ZC3HAV1: variants seen among roughly 807,000 people sequenced by gnomAD.
ZC3HAV1 encodes zinc finger CCCH-type antiviral protein 1.
In ZC3HAV1, 41 loss-of-function variants were observed where a neutral mutation model predicts 86.6. The ratio of observed to expected loss-of-function variants is 0.47; its 90% CI spans 0.37 to 0.61. The LOEUF is 0.61. Among genes scored for constraint, ZC3HAV1 ranks in the 20% least tolerant of loss-of-function variants. The probability of loss-of-function intolerance (pLI) is 0.00; values close to 1 mark genes in which losing one functional copy is unlikely to be tolerated. For synonymous variants in ZC3HAV1, 421 were observed against 432.1 expected, an observed-to-expected ratio of 0.97 and a Z score of 0.32; for missense variants, 964 against 1,141.1, an observed-to-expected ratio of 0.84 and a Z score of 2.24.
intron 3 of ZC3HAV1, among the ~76,000 whole-genome samples, chr7:139,082,769 G>C (rs1021764244): frequency 5.9e-5 from 9 of 152,084 alleles, no homozygotes; most frequent in African/African-American, 2.2e-4. Context: ...AAGTACCTAG[G>C]GTTGTCAAAT....
chr7:139,084,018 A>G lies in ZC3HAV1; in HGVS notation c.459T>C (p.Tyr153=). The change falls in exon 3 of 13, where the codon TAT becomes TAC. Residue 153 remains tyrosine, a synonymous_variant. Coordinates refer to ENST00000242351, the MANE Select transcript of ZC3HAV1 (RefSeq NM_020119.4). ...PFFMPEICKS[Y]KGEGRQQICN... is the part of the protein sequence containing the mutation. The stretch of plus-strand genomic sequence containing the variant: ...AAATCTGCTGCCGACCCTCTCCCTT[A>G]TAACTTTTGCATATCTACAGAAGGG... 3.1e-6 allele frequency: 5 copies of G among 1,614,000 alleles called. No homozygotes were observed. In the African/African-American group the frequency reaches 4.0e-5, roughly 13 times the overall value.
At position 139,083,777 on chromosome 7, in the gene ZC3HAV1, T is replaced by C. The variant is rs757941936; in HGVS notation, c.697+3A>G. 1.3e-6 allele frequency: 2 copies of C among 1,592,448 alleles called. No homozygotes were observed. The highest frequency in any genetic ancestry group is 1.1e-5 in the South Asian group (1 of 89,860). On this transcript the variant is annotated splice_donor_region_variant and intron_variant, in intron 3 of 12. Transcript: ENST00000242351. ...ACACAATTGAAAAAGAAAAGGCCTT[T>C]ACCTCTGGGCCCTGGGGGATTCTTC...
intron 1 of ZC3HAV1, among the ~76,000 whole-genome samples, chr7:139,106,017 A>G (rs1174526261): frequency 1.3e-5 from 2 of 152,182 alleles, no homozygotes; most frequent in African/African-American, 4.8e-5. Context: ...ATGAAATTAA[A>G]AATATGGCTC....
intron 1 of ZC3HAV1, among the ~76,000 whole-genome samples, chr7:139,092,750 C>G (rs534586050): frequency 6.6e-6 from 1 of 152,376 alleles, no homozygotes; most frequent in African/African-American, 2.4e-5. Flanking sequence ...GTCCGTGGTG[C>G]TGCCCACCTG....
chr7:139,084,466 C>A (rs1471486430), intron 2 of ZC3HAV1, among the ~76,000 whole-genome samples: 1 of 152,158 alleles, frequency 6.6e-6, no homozygotes, highest in Non-Finnish European at 1.5e-5. Flanking sequence ...CAAAAGATTG[C>A]CTAAAGAAGA....
Position 139,061,095 on chromosome 7 carries a change from G to A in ZC3HAV1, c.2037C>T (p.Val679=). 1 of 1,613,568 alleles carries A rather than the reference G, an allele frequency of 6.2e-7. No individual in the cohort carries two copies. The highest frequency in any genetic ancestry group is 8.5e-7 in the Non-Finnish European group (1 of 1,179,950). ...TNIASKTQKD[V]IRRPTFVPQW... is the part of the protein sequence containing the mutation. ...GAGGCACAAATGTTGGTCTTCTGATGACATCCTTTTGAGTTTTGGAAGCTA... is the reference window on the plus strand; with the variant it reads ...GAGGCACAAATGTTGGTCTTCTGATAACATCCTTTTGAGTTTTGGAAGCTA... The change falls in exon 9 of 13, where the codon GTC becomes GTT. Residue 679 remains valine (V), a synonymous_variant. Transcript: ENST00000242351.
chr7:139,096,958 T>C (rs898369263), intron 1 of ZC3HAV1, among the ~76,000 whole-genome samples: 2 of 112,132 alleles, frequency 1.8e-5, no homozygotes, highest in Admixed American at 8.6e-5. Flanking sequence ...CATGTCTCTA[T>C]TGAAAATACA....
intron 1 of ZC3HAV1, among the ~76,000 whole-genome samples, chr7:139,095,075 A>G (rs775452717): frequency 2.0e-5 from 3 of 152,020 alleles, no homozygotes; most frequent in Non-Finnish European, 4.4e-5. Flanking sequence ...AGGGTTGGCA[A>G]AAACAAAAAG....
In ZC3HAV1 at chr7:139,060,621, A is replaced by G. The variant is rs1449134220; in HGVS notation, c.2096+415T>C. The G allele has an allele frequency of 9.5e-6, 10 of 1,051,772 alleles. No homozygotes were observed. In the East Asian group the frequency reaches 4.1e-4, roughly 43 times the overall value. 65.2% of individuals were successfully genotyped at this position (1,051,772 alleles called of 1,614,324 possible). A position where few individuals can be genotyped will look rare whatever the true frequency, so the allele number is the denominator to read the frequency against. ...TTTGGGAGACTGAGGTAGGAGGATCACTTGAGCTCAGGAGTTCAAGACCAG... is the reference window on the plus strand; with the variant it reads ...TTTGGGAGACTGAGGTAGGAGGATCGCTTGAGCTCAGGAGTTCAAGACCAG... On this transcript the variant is annotated intron_variant, in intron 9 of 12. Coordinates refer to ENST00000242351, the MANE Select transcript of ZC3HAV1 (RefSeq NM_020119.4).
chr7:139,076,270 A>G lies in ZC3HAV1; in HGVS notation c.1697+16T>C. On this transcript the variant is annotated intron_variant, in intron 6 of 12. Coordinates refer to ENST00000242351, the MANE Select transcript of ZC3HAV1 (RefSeq NM_020119.4). Reference sequence around the variant, plus strand: ...ATGTTGGACTCTTGAAAGCCAGAGTACAGCCACCAACTTACAGGTGGATTC... The same window carrying G: ...ATGTTGGACTCTTGAAAGCCAGAGTGCAGCCACCAACTTACAGGTGGATTC... 2.5e-6 allele frequency: 4 copies of G among 1,614,148 alleles called. No homozygotes were observed. In the South Asian group the frequency reaches 4.4e-5, roughly 18 times the overall value.
chr7:139,047,658 T>C lies in ZC3HAV1; in HGVS notation c.2645A>G (p.Lys882Arg). The change falls in exon 13 of 13, where the codon AAA becomes AGA. Residue 882 changes from lysine (K) to arginine (R), a missense_variant. Lys to Arg is a conservative substitution (Grantham distance 26). Coordinates refer to ENST00000242351, the MANE Select transcript of ZC3HAV1 (RefSeq NM_020119.4). ...CACATATTGTGGGTAAACCTGATCT[T>C]TCTGAAAGATGACAAAAACGGAGGG... ...SNPSVFVIFQ[K>R]DQVYPQYVIE... 6.2e-7 allele frequency: 1 copy of C among 1,614,158 alleles called. No homozygotes were observed. Among genetic ancestry groups the C allele is most frequent in the Non-Finnish European group, 8.5e-7 (1 of 1,180,038 alleles).
intron 2 of ZC3HAV1, among the ~76,000 whole-genome samples, chr7:139,088,959 G>C (rs1247248949): frequency 2.0e-5 from 3 of 151,930 alleles, no homozygotes; most frequent in South Asian, 4.1e-4. Context: ...AAAATTAGCC[G>C]GGCATGGTGG....
intron 1 of ZC3HAV1, among the ~76,000 whole-genome samples, chr7:139,096,304 G>A (rs1434438400): frequency 2.6e-5 from 4 of 152,080 alleles, no homozygotes; most frequent in South Asian, 2.1e-4. Context: ...GTGAGCCACC[G>A]TACCCGACCA....
rs990654313 is a variant in ZC3HAV1 at position 139,053,998 on chromosome 7, A to G, written c.2285T>C (p.Ile762Thr). ...KNFKIEKIKK[I>T]ENSELLDKFT... ...TTTATCCAGGAGCTCTGAGTTCTCG[A>G]TCTTCTTTATCTTTTCAATCTTGAA... The change falls in exon 11 of 13, where the codon ATC becomes ACC. Residue 762 changes from isoleucine to threonine, a missense_variant. Physicochemically the swap from Ile to Thr is moderately conservative, Grantham distance 89. Transcript: ENST00000242351. 3.1e-6 allele frequency: 5 copies of G among 1,606,834 alleles called. No homozygotes were observed. Among genetic ancestry groups the G allele is most frequent in the Non-Finnish European group, 4.2e-6 (5 of 1,178,326 alleles).
chr7:139,053,731 A>G, intron 11 of ZC3HAV1, 150 bp from the exon 12 acceptor site: 2 of 1,180,706 alleles, frequency 1.7e-6, no homozygotes, highest in South Asian at 3.4e-5. Context: ...CAGCTGTACA[A>G]TAATAAATTT....
intron 7 of ZC3HAV1, among the ~76,000 whole-genome samples, chr7:139,070,258 A>G (rs3800603): frequency 0.15 from 23,573 of 152,190 alleles, 2,158 homozygotes; most frequent in East Asian, 0.28. Context: ...TGAATGTTAC[A>G]TTCTAAAAAC....
Position 139,054,100 on chromosome 7 carries a change from T to C in ZC3HAV1, c.2188-5A>G. The C allele has an allele frequency of 6.4e-7, 1 of 1,564,510 alleles. No individual in the cohort carries two copies. Among genetic ancestry groups the C allele is most frequent in the South Asian group, 1.2e-5 (1 of 82,286 alleles). On this transcript the variant is annotated splice_polypyrimidine_tract_variant and splice_region_variant and intron_variant, in intron 10 of 12. Transcript: ENST00000242351. Reference sequence around the variant, plus strand: ...TAGGTGATGGATCTCTGACAACTAATAAAGTTTAAAAATAGATAAATGTGA... The same window carrying C: ...TAGGTGATGGATCTCTGACAACTAACAAAGTTTAAAAATAGATAAATGTGA...
At chr7:139,054,794 A>T (rs1816233224) in intron 10 of ZC3HAV1, among the ~76,000 whole-genome samples, 1 of 151,824 alleles carries the variant, frequency 6.6e-6, no homozygotes, top group East Asian at 1.9e-4. Flanking sequence ...TTTTTTGGAG[A>T]CAGAGTCTCA....
intron 5 of ZC3HAV1, 146 bp downstream of exon 5, chr7:139,078,406 T>C (rs1256517263): frequency 4.8e-6 from 3 of 624,676 alleles, no homozygotes; most frequent in East Asian, 6.6e-5. Context: ...AAGTACTATA[T>C]GATCCCCCAA....
Sources: allele counts gnomAD v4.1 joint callset (sites outside exome capture counted in the v4.1 genomes callset), GRCh38; gene constraint gnomAD v4.1.1; transcripts MANE v1.5; gene names NCBI Gene and HGNC (gene_info 2026-07-23, HGNC 2026-07-21).